The following MTUS1 variants were observed in gnomAD, a reference collection of about 807,000 sequenced individuals.
The protein encoded by MTUS1 is microtubule associated scaffold protein 1.
MTUS1 carries 109 observed loss-of-function variants against 120.8 expected under a neutral mutation model. That is an observed-to-expected ratio of 0.90 (90% CI 0.77 to 1.06). The LOEUF (loss-of-function observed/expected upper bound fraction) is 1.06, where lower values mean the gene tolerates loss of function less well. Ranked by LOEUF, MTUS1 falls within the 50% of genes least tolerant of loss-of-function variation. The pLI is 0.00. For missense variants in MTUS1, 2,210 were observed against 1,486.3 expected (o/e 1.49, Z -8.01); for synonymous variants, 737 against 550.5 (o/e 1.34, Z -4.74).
intron 4 of MTUS1, among the ~76,000 whole-genome samples, chr8:17,718,889 G>C (rs1822852994): frequency 6.6e-6 from 1 of 150,872 alleles, no homozygotes. Flanking sequence ...GGCTTCTCAT[G>C]CTGGGCACAG....
Position 17,754,585 on chromosome 8 carries a change from GA to G in MTUS1, c.1222del (p.Ser408HisfsTer4). ...SSPPGQKVGS[S>X]FGLTWDANDM... ...ATTTGCATCCCAAGTCAGTCCAAATGACGAGCCCACCTTTTGTCCTGGCGGG... is the reference window on the plus strand; with the variant it reads ...ATTTGCATCCCAAGTCAGTCCAAATGCGAGCCCACCTTTTGTCCTGGCGGG... On this transcript the variant is annotated frameshift_variant, in exon 2 of 15. Coordinates refer to ENST00000693296, the MANE Select transcript of MTUS1 (RefSeq NM_001363059.2). LOFTEE classifies it high-confidence loss of function. 6.2e-7 allele frequency: 1 copy of G among 1,614,184 alleles called. No homozygotes were observed. The highest frequency in any genetic ancestry group is 8.5e-7 in the Non-Finnish European group (1 of 1,180,026).
chr8:17,659,647 A>G (rs1480659218), intron 8 of MTUS1, among the ~76,000 whole-genome samples: 1 of 152,182 alleles, frequency 6.6e-6, no homozygotes, highest in Non-Finnish European at 1.5e-5. Flanking sequence ...ACAGTGAGCC[A>G]AGATCGCACT....
At chr8:17,759,027 G>A (rs369545667) in intron 1 of MTUS1, among the ~76,000 whole-genome samples, 89 of 149,898 alleles carry the variant, frequency 5.9e-4, no homozygotes, top group Middle Eastern at 7.7e-3. Context: ...GATTACAGGC[G>A]CCCGCCACCA....
intron 1 of MTUS1, among the ~76,000 whole-genome samples, chr8:17,777,561 C>T (rs998295636): frequency 3.3e-5 from 5 of 151,982 alleles, no homozygotes; most frequent in African/African-American, 1.2e-4. Context: ...GCAGAGAAAG[C>T]AAATCTCTAC....
intron 7 of MTUS1, among the ~76,000 whole-genome samples, chr8:17,677,094 A>G (rs1360562882): frequency 6.6e-6 from 1 of 152,196 alleles, no homozygotes; most frequent in East Asian, 1.9e-4. Context: ...TTTTAAAAAT[A>G]TGGCATTAAG....
intron 6 of MTUS1, among the ~76,000 whole-genome samples, chr8:17,702,203 G>A (rs1409762670): frequency 2.6e-5 from 4 of 152,202 alleles, no homozygotes; most frequent in Non-Finnish European, 4.4e-5. Flanking sequence ...TTACCAAGGA[G>A]CTGTACATAT....
Position 17,755,774 on chromosome 8 carries a change from C to T in MTUS1, c.34G>A (p.Asp12Asn). 2.5e-6 allele frequency: 4 copies of T among 1,613,646 alleles called. No homozygotes were observed. The highest frequency in any genetic ancestry group is 3.4e-6 in the Non-Finnish European group (4 of 1,179,846). ...CTGGTAAAGAAGGTTTGCAATTCAT[C>T]TTCTATTTTATCATCTGAATTATCA... ...TDDNSDDKIE[D>N]ELQTFFTSDK... is the part of the protein sequence containing the mutation. Residue 12 changes from aspartate (D) to asparagine (N), a missense_variant, in exon 2 of 15, where the codon GAT becomes AAT. By Grantham distance (23) the Asp-to-Asn change is conservative (BLOSUM62 1). Coordinates refer to ENST00000693296, the MANE Select transcript of MTUS1 (RefSeq NM_001363059.2).
intron 4 of MTUS1, chr8:17,721,689 G>A: frequency 6.5e-7 from 1 of 1,547,482 alleles, no homozygotes; most frequent in Non-Finnish European, 8.7e-7. Context: ...ACAAAGAAAA[G>A]AAACCAGAAA....
At chr8:17,697,614 T>C (rs1818246456) in intron 6 of MTUS1, 1 of 1,281,184 alleles carries the variant, frequency 7.8e-7, no homozygotes, top group Non-Finnish European at 9.9e-7. Flanking sequence ...GCTCTTCCTC[T>C]GAATACAATC....
chr8:17,645,942 C>G lies in MTUS1; in HGVS notation c.3797G>C (p.Ser1266Thr), dbSNP rs1213755839. The G allele has an allele frequency of 6.2e-7, 1 of 1,611,734 alleles. No individual in the cohort carries two copies. The highest frequency in any genetic ancestry group is 8.5e-7 in the Non-Finnish European group (1 of 1,179,736). The change falls in exon 15 of 15, where the codon AGC becomes ACC. Residue 1266 changes from serine to threonine, a missense_variant. Coordinates refer to ENST00000693296, the MANE Select transcript of MTUS1 (RefSeq NM_001363059.2). ...PRNSGSFPSP[S>T]ISPR ...GGGGAGGTGTCATCTGGGTGAAATG[C>G]TGGGGCTAGGGAAGGAGCCCGAATT...
chr8:17,720,534 C>T (rs995620442), intron 4 of MTUS1, among the ~76,000 whole-genome samples: 5 of 152,240 alleles, frequency 3.3e-5, no homozygotes, highest in East Asian at 1.9e-4. Flanking sequence ...TTGGTCTGCA[C>T]CTCTTACATT....
chr8:17,786,341 C>T (rs10100730), intron 1 of MTUS1, among the ~76,000 whole-genome samples: 110,588 of 151,710 alleles, frequency 0.73, 41,886 homozygotes, highest in Non-Finnish European at 0.85. Context: ...AGTCCTCACC[C>T]GCTGCCATGA....
intron 6 of MTUS1, among the ~76,000 whole-genome samples, chr8:17,700,169 G>A (rs1215950421): frequency 6.6e-6 from 1 of 152,072 alleles, no homozygotes; most frequent in Admixed American, 6.5e-5. Flanking sequence ...AGTTAGCTAT[G>A]AGTCTTTATG....
intron 3 of MTUS1, among the ~76,000 whole-genome samples, chr8:17,724,378 T>A (rs564167429): frequency 6.6e-6 from 1 of 152,214 alleles, no homozygotes; most frequent in Non-Finnish European, 1.5e-5. Flanking sequence ...TTCTCCTGAG[T>A]GGAAAATTTT....
At chr8:17,729,273 A>G (rs1419701816) in intron 3 of MTUS1, among the ~76,000 whole-genome samples, 2 of 152,224 alleles carry the variant, frequency 1.3e-5, no homozygotes, top group Non-Finnish European at 2.9e-5. Flanking sequence ...TAAATTATAC[A>G]TACTCAAAAC....
Position 17,782,724 on chromosome 8 carries a change from A to G in MTUS1, c.-155+18337T>C, listed in dbSNP as rs421907. Among the ~76,000 whole-genome samples the G allele has an allele frequency of 3.3e-3, 508 of 152,296 alleles. 9 individuals are homozygous for G. The East Asian group carries it at 0.047, about 14-fold the overall frequency. ...TTGTAACATCTTTTCTGAAACCACA[A>G]GTCTACAGTGTAAAAAATGTTTCAT... On this transcript the variant is annotated intron_variant, in intron 1 of 14. Coordinates refer to ENST00000693296, the MANE Select transcript of MTUS1 (RefSeq NM_001363059.2).
chr8:17,646,871 T>C (rs191818049), intron 14 of MTUS1, 111 bp downstream of exon 14: 8 of 737,474 alleles, frequency 1.1e-5, no homozygotes, highest in Middle Eastern at 5.3e-4. Context: ...CTTTTAACCA[T>C]CTGCTTCCAT....
At chr8:17,743,191 A>G (rs2047467976) in intron 3 of MTUS1, among the ~76,000 whole-genome samples, 1 of 152,136 alleles carries the variant, frequency 6.6e-6, no homozygotes, top group Admixed American at 6.5e-5. Context: ...TCCTAAATCT[A>G]TCATACATCT....
At chr8:17,704,460 A>G (rs978129792) in intron 6 of MTUS1, among the ~76,000 whole-genome samples, 1 of 152,146 alleles carries the variant, frequency 6.6e-6, no homozygotes, top group Non-Finnish European at 1.5e-5. Flanking sequence ...ACTGTGTGAG[A>G]TAAGGGTCCA....
Sources: gnomAD v4.1 joint callset for allele counts (sites outside exome capture counted in the v4.1 genomes callset) on GRCh38, gnomAD v4.1.1 for gene constraint, MANE v1.5 for transcripts, NCBI Gene and HGNC (gene_info 2026-07-23, HGNC 2026-07-21) for gene names.